OVCH1: variants seen among roughly 807,000 people sequenced by gnomAD.
OVCH1 encodes ovochymase-1.
Under a neutral mutation model 138.4 loss-of-function variants are expected in OVCH1, and 139 were observed. The ratio of observed to expected loss-of-function variants is 1.00; its 90% CI spans 0.87 to 1.16. The LOEUF (loss-of-function observed/expected upper bound fraction) is 1.16, where lower values mean the gene tolerates loss of function less well. Ranked by LOEUF, OVCH1 falls within the 50% of genes most tolerant of loss-of-function variation. The pLI, the probability that OVCH1 is intolerant of heterozygous loss-of-function variation, is 0.00. For missense variants in OVCH1, 1,367 were observed against 1,357.9 expected, an observed-to-expected ratio of 1.01 and a Z score of -0.11; for synonymous variants, 453 against 467.8, an observed-to-expected ratio of 0.97 and a Z score of 0.41.
At chr12:29,495,305 A>G (rs1166427497) in exon 4 of OVCH1, 1 of 1,611,294 alleles carries the variant, frequency 6.2e-7, no homozygotes, top group African/African-American at 1.3e-5. Context: ...TTTGTGTTTT[A>G]GATACAGCAG....
intron 8 of OVCH1, among the ~76,000 whole-genome samples, chr12:29,481,484 C>A (rs945475519): frequency 6.6e-6 from 1 of 152,174 alleles, no homozygotes; most frequent in Non-Finnish European, 1.5e-5. Flanking sequence ...ATCTCTACTT[C>A]ATCTACTAAA....
intron 22 of OVCH1, 38 bp from the exon 23 acceptor site, chr12:29,445,441 G>A (rs747864907): frequency 9.0e-6 from 14 of 1,558,638 alleles, no homozygotes; most frequent in South Asian, 4.6e-5. Flanking sequence ...AAATAAGAAT[G>A]AAAATTTGAC....
intron 7 of OVCH1, 78 bp from the exon 8 acceptor site, chr12:29,486,426 AAAG>A: frequency 8.8e-7 from 1 of 1,141,246 alleles, no homozygotes; most frequent in Non-Finnish European, 1.3e-6. Flanking sequence ...TGTGAAGTTA[AAAG>A]AATATGAAGA....
At chr12:29,443,940 G>T (rs1275455807) in intron 24 of OVCH1, among the ~76,000 whole-genome samples, 2 of 152,034 alleles carry the variant, frequency 1.3e-5, no homozygotes, top group Non-Finnish European at 2.9e-5. Context: ...ATTTTGTTGA[G>T]AAAGTACAAT....
chr12:29,477,704 G>A, intron 9 of OVCH1: 1 of 1,107,104 alleles, frequency 9.0e-7, no homozygotes. Context: ...TATTCTTCAG[G>A]GCCTAACTCA....
intron 21 of OVCH1, among the ~76,000 whole-genome samples, chr12:29,453,528 G>A (rs1262332003): frequency 6.6e-6 from 1 of 151,926 alleles, no homozygotes; most frequent in Non-Finnish European, 1.5e-5. Context: ...TGTAATCTCG[G>A]TTTCAGGAAC....
At chr12:29,476,787 ACACACACAC>A (rs1565600736) in intron 12 of OVCH1, among the ~76,000 whole-genome samples, 2 of 136,980 alleles carry the variant, frequency 1.5e-5, no homozygotes, top group Non-Finnish European at 3.2e-5. Context: ...ACACACACAC[ACACACACAC>A]ACACACACAC....
intron 18 of OVCH1, among the ~76,000 whole-genome samples, chr12:29,463,369 G>C (rs1192500960): frequency 6.6e-6 from 1 of 152,190 alleles, no homozygotes. Flanking sequence ...TAATAAGAGT[G>C]TTCCAAGTAG....
intron 25 of OVCH1, among the ~76,000 whole-genome samples, chr12:29,442,561 A>T (rs920178325): frequency 2.0e-5 from 3 of 151,622 alleles, no homozygotes; most frequent in Non-Finnish European, 4.4e-5. Flanking sequence ...AGCATGGCAC[A>T]TGTATACATA....
chr12:29,494,143 T>C (rs1294430412), intron 4 of OVCH1, among the ~76,000 whole-genome samples: 2 of 152,174 alleles, frequency 1.3e-5, no homozygotes, highest in Non-Finnish European at 2.9e-5. Context: ...CCTCACTTTA[T>C]GTAGCATAAC....
intron 26 of OVCH1, among the ~76,000 whole-genome samples, chr12:29,435,573 C>A (rs1023396658): frequency 2.6e-5 from 4 of 152,064 alleles, no homozygotes; most frequent in African/African-American, 4.8e-5. Flanking sequence ...CCAGGATGGT[C>A]TTGATCTCCT....
chr12:29,417,759 A>AAG (rs1259374602), intron 3 of OVCH1, among the ~76,000 whole-genome samples: 8 of 94,040 alleles, frequency 8.5e-5, no homozygotes, highest in Non-Finnish European at 7.0e-5. Flanking sequence ...CCTGGCCTAC[A>AAG]AGTGTGTGTG....
chr12:29,475,180 C>A, exon 14 of OVCH1: 2 of 1,473,412 alleles, frequency 1.4e-6, no homozygotes, highest in Non-Finnish European at 1.8e-6. Flanking sequence ...CAACATTCCA[C>A]AAAGTTTAGC....
At position 29,444,226 on chromosome 12, in the gene OVCH1, A is replaced by G. The variant is rs377140442; in HGVS notation, c.2936T>C (p.Leu979Ser). ...CAGAAGAACATCCTCACAAGGGACC[A>G]AGTGCTCTCTGTTTGAACTTTGGGA... The change falls in exon 24 of 28, where the codon TTG (leucine) becomes TCG (serine). Residue 979 changes from leucine (L) to serine (S), a missense_variant. By Grantham distance (145) the Leu-to-Ser change is moderately radical. Transcript: ENST00000318184. 1.0e-4 allele frequency: 167 copies of G among 1,612,332 alleles called. No homozygotes were observed. Among genetic ancestry groups the G allele is most frequent in the Non-Finnish European group, 1.4e-4 (161 of 1,178,806 alleles).
chr12:29,441,715 C>T (rs1227545610), intron 25 of OVCH1, among the ~76,000 whole-genome samples: 1 of 152,078 alleles, frequency 6.6e-6, no homozygotes, highest in Non-Finnish European at 1.5e-5. Context: ...TTTTCGCAAC[C>T]TACTCATCTG....
At chr12:29,488,970 C>T (rs1468288728) in intron 6 of OVCH1, among the ~76,000 whole-genome samples, 1 of 148,158 alleles carries the variant, frequency 6.7e-6, no homozygotes, top group Non-Finnish European at 1.5e-5. Context: ...CAGATAATTT[C>T]AGAGAGCTTC....
intron 18 of OVCH1, among the ~76,000 whole-genome samples, chr12:29,463,568 G>A (rs1488121095): frequency 7.9e-5 from 12 of 152,174 alleles, no homozygotes. Context: ...TTGATTGTAT[G>A]TGTAATGAGA....
intron 12 of OVCH1, 48 bp from the exon 13 acceptor site, chr12:29,476,347 G>A (rs1182063641): frequency 6.8e-7 from 1 of 1,470,130 alleles, no homozygotes; most frequent in African/African-American, 1.4e-5. Flanking sequence ...GAAGAGAAGA[G>A]AGAAGCTTAA....
chr12:29,445,401 C>T, exon 23 of OVCH1: 1 of 1,603,594 alleles, frequency 6.2e-7, no homozygotes, highest in Non-Finnish European at 8.5e-7. Context: ...CCATGTAATC[C>T]ACCTAGGTTA....
Sources: gnomAD v4.1 joint callset for allele counts (sites outside exome capture counted in the v4.1 genomes callset) on GRCh38, gnomAD v4.1.1 for gene constraint, MANE v1.5 for transcripts, NCBI Gene and HGNC (gene_info 2026-07-23, HGNC 2026-07-21) for gene names.